FAT3: variants seen among roughly 807,000 people sequenced by gnomAD.
The protein encoded by FAT3 is protocadherin Fat 3.
A neutral mutation model predicts 310.2 loss-of-function variants in FAT3; 95 were observed. That is an observed-to-expected ratio of 0.31 (90% CI 0.26 to 0.36). The LOEUF (loss-of-function observed/expected upper bound fraction) is 0.36, where lower values mean the gene tolerates loss of function less well. Ranked by LOEUF, FAT3 falls within the 10% of genes least tolerant of loss-of-function variation. The pLI, the probability that FAT3 is intolerant of heterozygous loss-of-function variation, is 1.00. For synonymous variants in FAT3, 2,314 were observed against 2,192.9 expected, an observed-to-expected ratio of 1.06 and a Z score of -1.54; for missense variants, 5,408 against 5,715.6, an observed-to-expected ratio of 0.95 and a Z score of 1.74.
intron 3 of FAT3, among the ~76,000 whole-genome samples, chr11:92,525,946 T>C (rs1953846866): frequency 6.6e-6 from 1 of 152,208 alleles, no homozygotes. Flanking sequence ...TGAAAGAGAA[T>C]GTCAGGGTTT....
chr11:92,271,308 A>G (rs907974519), intron 1 of FAT3, among the ~76,000 whole-genome samples: 5 of 151,868 alleles, frequency 3.3e-5, no homozygotes, highest in Admixed American at 3.3e-4. Flanking sequence ...TTCCCTCTGG[A>G]CCTTAACCCT....
chr11:92,626,907 C>T (rs1941361686), intron 3 of FAT3, among the ~76,000 whole-genome samples: 1 of 152,128 alleles, frequency 6.6e-6, no homozygotes, highest in South Asian at 2.1e-4. Context: ...TACTCTCCAA[C>T]CCAGTAAGAG....
chr11:92,757,011 G>A lies in FAT3; in HGVS notation c.3670-4845G>A, dbSNP rs1382716795. 2.9e-5 allele frequency among the ~76,000 whole-genome samples: 4 copies of A among 137,522 alleles called. No homozygotes were observed. The East Asian group carries it at 7.2e-4, about 25-fold the overall frequency. 90.2% of individuals were successfully genotyped at this position (137,522 alleles called of 152,430 possible). On this transcript the variant is annotated intron_variant, in intron 4 of 27. Transcript: ENST00000525166. ...GCGATCTCAGCTCACTGCAACCTCCGCCTCCCGGGTTCAAGCAATTCTCCT... is the reference window on the plus strand; with the variant it reads ...GCGATCTCAGCTCACTGCAACCTCCACCTCCCGGGTTCAAGCAATTCTCCT...
intron 3 of FAT3, among the ~76,000 whole-genome samples, chr11:92,634,172 C>T (rs759731896): frequency 1.3e-5 from 2 of 152,132 alleles, no homozygotes; most frequent in Non-Finnish European, 2.9e-5. Context: ...GGGTAGCATC[C>T]CAAACACAAC....
intron 1 of FAT3, among the ~76,000 whole-genome samples, chr11:92,272,329 A>T (rs556917402): frequency 6.6e-6 from 1 of 152,228 alleles, no homozygotes; most frequent in South Asian, 2.1e-4. Flanking sequence ...CTGGTTAAGG[A>T]TTCTCTGTTC....
chr11:92,299,919 T>A (rs1470812524), intron 1 of FAT3, among the ~76,000 whole-genome samples: 1 of 152,108 alleles, frequency 6.6e-6, no homozygotes, highest in East Asian at 1.9e-4. Flanking sequence ...GAAATCTATC[T>A]CTTCAGCAGG....
intron 2 of FAT3, among the ~76,000 whole-genome samples, chr11:92,489,300 T>G (rs1952529612): frequency 6.6e-6 from 1 of 152,148 alleles, no homozygotes; most frequent in African/African-American, 2.4e-5. Flanking sequence ...ATATATTTGA[T>G]GAATGAATGA....
chr11:92,895,233 G>T lies in FAT3; in HGVS notation c.*4120G>T, dbSNP rs1260134026. On this transcript the variant is annotated 3_prime_UTR_variant, in exon 28 of 28. Transcript: ENST00000525166. ...TTTATTCCTTGTCATCATTTTGTGTGCTCTGTGAGAAGGTGGTTATATGTT... is the reference window on the plus strand; with the variant it reads ...TTTATTCCTTGTCATCATTTTGTGTTCTCTGTGAGAAGGTGGTTATATGTT... 6.6e-6 allele frequency: 1 copy of T among 152,230 alleles called. No individual in the cohort carries two copies. Among genetic ancestry groups the T allele is most frequent in the African/African-American group, 2.4e-5 (1 of 41,464 alleles). The allele number at this position is 152,230 out of a possible 1,614,324, so 9.4% of individuals were successfully genotyped here. A position where few individuals can be genotyped will look rare whatever the true frequency, so the allele number is the denominator to read the frequency against.
intron 3 of FAT3, among the ~76,000 whole-genome samples, chr11:92,593,940 G>A (rs1447359787): frequency 6.6e-6 from 1 of 152,122 alleles, no homozygotes; most frequent in Non-Finnish European, 1.5e-5. Flanking sequence ...CAGAAACACA[G>A]TATCTCTACT....
Position 92,697,394 on chromosome 11 carries a change from A to G in FAT3, c.3618A>G (p.Thr1206=). 1.2e-6 allele frequency: 2 copies of G among 1,613,862 alleles called. No individual in the cohort carries two copies. The highest frequency in any genetic ancestry group is 8.5e-7 in the Non-Finnish European group (1 of 1,179,816). The change falls in exon 4 of 28, where the codon ACA becomes ACG. Residue 1206 remains threonine, a synonymous_variant. Transcript: ENST00000525166. ...FAINIKTGLI[T]TTSRKLDREQ... ...CTCATTTCTACACAGGTCTGATTACAACAACTTCAAGGAAATTGGATCGAG... is the reference window on the plus strand; with the variant it reads ...CTCATTTCTACACAGGTCTGATTACGACAACTTCAAGGAAATTGGATCGAG...
At chr11:92,376,964 T>C (rs1177615173) in intron 2 of FAT3, among the ~76,000 whole-genome samples, 1 of 152,214 alleles carries the variant, frequency 6.6e-6, no homozygotes, top group Non-Finnish European at 1.5e-5. Flanking sequence ...AAGGTAATGA[T>C]TATGTCCAGG....
At chr11:92,232,622 G>A (rs1471551777) in intron 1 of FAT3, among the ~76,000 whole-genome samples, 2 of 131,496 alleles carry the variant, frequency 1.5e-5, no homozygotes, top group African/African-American at 2.8e-5. Context: ...TGACTTCAGT[G>A]ATGTCGTTTT....
chr11:92,408,000 G>T (rs768243115), intron 2 of FAT3: 18 of 150,592 alleles, frequency 1.2e-4, no homozygotes, highest in Non-Finnish European at 1.8e-4. Flanking sequence ...CAGTCAGCTG[G>T]GCTGCTGTAA....
chr11:92,588,403 A>G (rs543910946), intron 3 of FAT3, among the ~76,000 whole-genome samples: 5 of 152,102 alleles, frequency 3.3e-5, no homozygotes, highest in East Asian at 1.9e-4. Flanking sequence ...AGAATGTACT[A>G]TTATTATTGG....
intron 2 of FAT3, among the ~76,000 whole-genome samples, chr11:92,477,208 A>G (rs1952072711): frequency 6.6e-6 from 1 of 152,226 alleles, no homozygotes; most frequent in Non-Finnish European, 1.5e-5. Flanking sequence ...GGAGATTTCT[A>G]TGGTAATGTG....
chr11:92,853,498 G>A (rs1948887384), intron 19 of FAT3, among the ~76,000 whole-genome samples: 1 of 152,186 alleles, frequency 6.6e-6, no homozygotes. Flanking sequence ...TTTCAGCCCT[G>A]TTTGTGTTAC....
At chr11:92,351,548 A>G (rs573882031) in intron 1 of FAT3, among the ~76,000 whole-genome samples, 1 of 152,290 alleles carries the variant, frequency 6.6e-6, no homozygotes, top group Non-Finnish European at 1.5e-5. Context: ...ATTACATCTT[A>G]CTGCATCTGA....
At chr11:92,669,824 T>C (rs1423047829) in intron 3 of FAT3, among the ~76,000 whole-genome samples, 2 of 152,180 alleles carry the variant, frequency 1.3e-5, no homozygotes, top group African/African-American at 2.4e-5. Flanking sequence ...GGAATAATCA[T>C]ACCAACCTTG....
chr11:92,473,553 T>C (rs572252881), intron 2 of FAT3, among the ~76,000 whole-genome samples: 1 of 152,342 alleles, frequency 6.6e-6, no homozygotes, highest in South Asian at 2.1e-4. Context: ...GATTATCTCA[T>C]CTTAAGGCGT....
Sources: allele counts gnomAD v4.1 joint callset (sites outside exome capture counted in the v4.1 genomes callset), GRCh38; gene constraint gnomAD v4.1.1; transcripts MANE v1.5; gene names NCBI Gene and HGNC (gene_info 2026-07-23, HGNC 2026-07-21).